TENT5B: variants seen among roughly 807,000 people sequenced by gnomAD.
The protein encoded by TENT5B is family with sequence similarity 46 member B.
A neutral mutation model predicts 21.7 loss-of-function variants in TENT5B; 12 were observed. That is an observed-to-expected ratio of 0.55 (90% CI 0.36 to 0.90). The LOEUF (loss-of-function observed/expected upper bound fraction) is 0.90, where lower values mean the gene tolerates loss of function less well. TENT5B is among the 40% of genes least tolerant of loss of function. The pLI is 0.01. For synonymous variants in TENT5B, 262 were observed against 266.6 expected (o/e 0.98, Z 0.17); for missense variants, 540 against 601.5 (o/e 0.90, Z 1.07).
chr1:27,008,432 C>A (rs2124205668), intron 1 of TENT5B, among the ~76,000 whole-genome samples: 1 of 152,192 alleles, frequency 6.6e-6, no homozygotes. Flanking sequence ...CCGGGAGGAG[C>A]AACTTTACCA....
Position 27,005,968 on chromosome 1 carries a change from A to T in TENT5B, c.1254T>A (p.Tyr418Ter). The T allele has an allele frequency of 1.3e-6, 2 of 1,574,290 alleles. No homozygotes were observed. Among genetic ancestry groups the T allele is most frequent in the Non-Finnish European group, 1.7e-6 (2 of 1,156,634 alleles). Reference protein sequence around the residue: ...TPVQPLLAHAYPTWLPCN With the variant: ...TPVQPLLAHA ...GTCAGTTACAAGGCAGCCAGGTGGG[A>T]TAGGCGTGAGCCAGGAGAGGTTGCA... The change falls in exon 2 of 2, where the codon TAT becomes TAA. Residue 418 changes from tyrosine to a stop codon, truncating the protein, a stop_gained. Transcript: ENST00000289166. LOFTEE classifies it high-confidence loss of function.
In TENT5B at chr1:27,006,391, A is replaced by G. The variant is rs777675379; in HGVS notation, c.831T>C (p.Gly277=). 1.9e-6 allele frequency: 3 copies of G among 1,612,834 alleles called. No individual in the cohort carries two copies. Among genetic ancestry groups the G allele is most frequent in the Non-Finnish European group, 2.5e-6 (3 of 1,179,616 alleles). Residue 277 remains glycine (G), a synonymous_variant, in exon 2 of 2, where the codon GGT becomes GGC. Transcript: ENST00000289166. The surrounding 1 kb of genome is among the most constrained non-coding windows in gnomAD (Gnocchi z 9.4). ...ATRSPEEIRG[G]GLLKYCHLLV... ...GGAGGTGGCAGTACTTGAGGAGGCC[A>G]CCACCTCGGATCTCCTCGGGACTGC...
intron 1 of TENT5B, among the ~76,000 whole-genome samples, chr1:27,010,754 A>T (rs956060554): frequency 6.6e-6 from 1 of 152,120 alleles, no homozygotes; most frequent in African/African-American, 2.4e-5. Flanking sequence ...GCTATCTCTG[A>T]CCCAGGTCTA....
rs1325024834 is a variant in TENT5B at position 27,012,786 on chromosome 1, GCAACGACGGCGAGACAAAGCCAGGGAA to G, written c.-143_-117del. The G allele has an allele frequency of 8.1e-7, 1 of 1,232,926 alleles. No individual in the cohort carries two copies. Among genetic ancestry groups the G allele is most frequent in the Non-Finnish European group, 1.1e-6 (1 of 949,078 alleles). The allele number at this position is 1,232,926 out of a possible 1,614,324, so 76.4% of individuals were successfully genotyped here. The stretch of plus-strand genomic sequence containing the variant: ...GGGGCACGAAGGCAGGGACGGGGCG[GCAACGACGGCGAGACAAAGCCAGGGAA>G]CACCTCAGACGGCGACGACTAACCG... On this transcript the variant is annotated 5_prime_UTR_variant, in exon 1 of 2. Coordinates refer to ENST00000289166, the MANE Select transcript of TENT5B (RefSeq NM_052943.4).
At chr1:27,011,944 C>G (rs2082625297) in intron 1 of TENT5B, among the ~76,000 whole-genome samples, 1 of 152,130 alleles carries the variant, frequency 6.6e-6, no homozygotes, top group Non-Finnish European at 1.5e-5. Context: ...CAGCAAAAGG[C>G]TGTAGGAGCA....
Position 27,006,663 on chromosome 1 carries a change from AG to A in TENT5B, c.558del (p.Trp187GlyfsTer22). 1.2e-6 allele frequency: 2 copies of A among 1,614,116 alleles called. No homozygotes were observed. The highest frequency in any genetic ancestry group is 1.7e-6 in the Non-Finnish European group (2 of 1,180,028). ...TTGTTGGACAGTGAGATGAGGCTCCAGCGGTCCGAGTCTGTGCACACTTTCA... is the reference window on the plus strand; with the variant it reads ...TTGTTGGACAGTGAGATGAGGCTCCACGGTCCGAGTCTGTGCACACTTTCA... ...KLVKVCTDSD[R>X]WSLISLSNKS... On this transcript the variant is annotated frameshift_variant, in exon 2 of 2. Transcript: ENST00000289166. LOFTEE classifies it high-confidence loss of function. The surrounding 1 kb of genome is among the most constrained non-coding windows in gnomAD (Gnocchi z 9.4).
In TENT5B at chr1:27,006,882, C is replaced by G. The variant is rs201078551; in HGVS notation, c.340G>C (p.Val114Leu). The G allele has an allele frequency of 6.8e-6, 11 of 1,613,812 alleles. No homozygotes were observed. Among genetic ancestry groups the G allele is most frequent in the Non-Finnish European group, 9.3e-6 (11 of 1,179,956 alleles). The change falls in exon 2 of 2, where the codon GTG becomes CTG. Residue 114 changes from valine (V) to leucine (L), a missense_variant. Coordinates refer to ENST00000289166, the MANE Select transcript of TENT5B (RefSeq NM_052943.4). The surrounding 1 kb of genome is among the most constrained non-coding windows in gnomAD (Gnocchi z 9.4). ...VRLHGSAASH[V>L]LHPESGLGYK... ...CCCAGGCCACTCTCAGGGTGCAGCA[C>G]GTGGCTGGCAGCTGAACCATGCAGC...
Position 27,012,510 on chromosome 1 carries a change from C to A in TENT5B, c.161G>T (p.Trp54Leu), listed in dbSNP as rs2082628929. The A allele has an allele frequency of 6.2e-7, 1 of 1,607,606 alleles. No homozygotes were observed. The highest frequency in any genetic ancestry group is 1.1e-5 in the South Asian group (1 of 90,696). Residue 54 changes from tryptophan (W) to leucine (L), a missense_variant, in exon 1 of 2, where the codon TGG becomes TTG. By Grantham distance (61) the Trp-to-Leu change is moderately conservative (BLOSUM62 -2). Transcript: ENST00000289166. ...FPGRHLSGLS[W>L]PQVKRLDALL... ...AGCGTCCAGTCGCTTCACCTGTGGC[C>A]AGCTCAGCCCACTCAGGTGCCGTCC...
At chr1:27,007,274 G>A (rs749382836) in intron 1 of TENT5B, among the ~76,000 whole-genome samples, 4 of 152,094 alleles carry the variant, frequency 2.6e-5, no homozygotes, top group African/African-American at 4.8e-5. Flanking sequence ...ACCCTGTGAG[G>A]TGGATACTAT....
rs1471985108 is a variant in TENT5B at position 27,005,722 on chromosome 1, A to T, written c.*222T>A. On this transcript the variant is annotated 3_prime_UTR_variant, in exon 2 of 2. Transcript: ENST00000289166. ...ACCGGCATGCTGGTCCAAAAGTGTG[A>T]TGCAATAACCAAAGGGTCCTCCTGC... is the stretch of plus-strand genomic sequence containing the variant. 9.5e-6 allele frequency: 5 copies of T among 525,970 alleles called. No individual in the cohort carries two copies. Among genetic ancestry groups the T allele is most frequent in the Non-Finnish European group, 1.6e-5 (5 of 314,206 alleles). The allele number at this position is 525,970 out of a possible 1,614,324, so 32.6% of individuals were successfully genotyped here.
At chr1:27,009,211 C>A (rs189477086) in intron 1 of TENT5B, among the ~76,000 whole-genome samples, 5 of 151,820 alleles carry the variant, frequency 3.3e-5, no homozygotes, top group African/African-American at 9.7e-5. Flanking sequence ...TCAAGCTATT[C>A]CCCTGCCTCA....
In TENT5B at chr1:27,012,802, A is replaced by T. The variant is rs2082631180; in HGVS notation, c.-132T>A. 8.5e-7 allele frequency: 1 copy of T among 1,182,772 alleles called. No homozygotes were observed. The highest frequency in any genetic ancestry group is 1.1e-6 in the Non-Finnish European group (1 of 900,042). 73.3% of individuals were successfully genotyped at this position (1,182,772 alleles called of 1,614,324 possible). A position where few individuals can be genotyped will look rare whatever the true frequency, so the allele number is the denominator to read the frequency against. The stretch of plus-strand genomic sequence containing the variant: ...GACGGGGCGGCAACGACGGCGAGAC[A>T]AAGCCAGGGAACACCTCAGACGGCG... On this transcript the variant is annotated 5_prime_UTR_variant, in exon 1 of 2. Transcript: ENST00000289166.
Position 27,006,521 on chromosome 1 carries a change from G to C in TENT5B, c.701C>G (p.Ser234Cys). The change falls in exon 2 of 2, where the codon TCC becomes TGC. Residue 234 changes from serine (S) to cysteine (C), a missense_variant. Coordinates refer to ENST00000289166, the MANE Select transcript of TENT5B (RefSeq NM_052943.4). The surrounding 1 kb of genome is among the most constrained non-coding windows in gnomAD (Gnocchi z 9.4). ...GTGGAAGGCCTCAGACATGGGAGTG[G>C]ACGAGCACTGGCCAAAGAGCAACAG... ...DSLLLFGQCS[S>C]TPMSEAFHPT... 1 of 1,614,138 alleles carries C rather than the reference G, an allele frequency of 6.2e-7. No individual in the cohort carries two copies. Among genetic ancestry groups the C allele is most frequent in the Non-Finnish European group, 8.5e-7 (1 of 1,180,024 alleles).
intron 1 of TENT5B, among the ~76,000 whole-genome samples, chr1:27,008,858 TC>T (rs200887747): frequency 0.045 from 6,786 of 151,722 alleles, 204 homozygotes; most frequent in Non-Finnish European, 0.063. Flanking sequence ...TGCCGCAGCT[TC>T]CCGAAGTACT....
At position 27,006,044 on chromosome 1, in the gene TENT5B, G is replaced by A; in HGVS notation, c.1178C>T (p.Pro393Leu). The change falls in exon 2 of 2, where the codon CCA becomes CTA. Residue 393 changes from proline (P) to leucine (L), a missense_variant. Coordinates refer to ENST00000289166, the MANE Select transcript of TENT5B (RefSeq NM_052943.4). The surrounding 1 kb of genome is among the most constrained non-coding windows in gnomAD (Gnocchi z 9.4). Reference protein sequence around the residue: ...AATAALAWRPPGTDGVVPATV... With the variant: ...AATAALAWRPLGTDGVVPATV... ...GGCTGGCACAACCCCGTCAGTGCCT[G>A]GAGGGCGCCAGGCCAGGGCGGCAGT... 6.2e-7 allele frequency: 1 copy of A among 1,611,560 alleles called. No homozygotes were observed. The highest frequency in any genetic ancestry group is 8.5e-7 in the Non-Finnish European group (1 of 1,178,788).
chr1:27,008,249 T>C (rs2082609668), intron 1 of TENT5B, among the ~76,000 whole-genome samples: 1 of 152,168 alleles, frequency 6.6e-6, no homozygotes, highest in African/African-American at 2.4e-5. Context: ...CCAGGCAGCA[T>C]TCCTGTCCTG....
In TENT5B at chr1:27,012,678, GC is replaced by G. The variant is rs1277991253; in HGVS notation, c.-9del. ...GCTCTCCGACGGCATCATCCGCCCG[GC>G]CCCCGGGCCCCGACGGCAGAAACCG... On this transcript the variant is annotated 5_prime_UTR_variant, in exon 1 of 2. Transcript: ENST00000289166. 7 of 1,454,630 alleles carry G rather than the reference GC, an allele frequency of 4.8e-6. No homozygotes were observed. In the Admixed American group the frequency reaches 9.6e-5, roughly 20 times the overall value. 90.1% of individuals were successfully genotyped at this position (1,454,630 alleles called of 1,614,324 possible).
chr1:27,012,830 G>C lies in TENT5B; in HGVS notation c.-160C>G, dbSNP rs1010780389. 1.1e-5 allele frequency: 11 copies of C among 963,588 alleles called. No homozygotes were observed. In the African/African-American group the frequency reaches 1.7e-4, roughly 15 times the overall value. The allele number at this position is 963,588 out of a possible 1,614,324, so 59.7% of individuals were successfully genotyped here. On this transcript the variant is annotated 5_prime_UTR_variant, in exon 1 of 2. Transcript: ENST00000289166. ...GCCAGGGAACACCTCAGACGGCGACGACTAACCGACCCTAGCGCCTGCAGC... is the reference window on the plus strand; with the variant it reads ...GCCAGGGAACACCTCAGACGGCGACCACTAACCGACCCTAGCGCCTGCAGC...
At position 27,012,687 on chromosome 1, in the gene TENT5B, C is replaced by A; in HGVS notation, c.-17G>T. 4 of 1,452,222 alleles carry A rather than the reference C, an allele frequency of 2.8e-6. No individual in the cohort carries two copies. The highest frequency in any genetic ancestry group is 1.5e-5 in the African/African-American group (1 of 66,250). 90.0% of individuals were successfully genotyped at this position (1,452,222 alleles called of 1,614,324 possible). A position where few individuals can be genotyped will look rare whatever the true frequency, so the allele number is the denominator to read the frequency against. On this transcript the variant is annotated 5_prime_UTR_variant, in exon 1 of 2. Transcript: ENST00000289166. ...CGGCATCATCCGCCCGGCCCCCGGG[C>A]CCCGACGGCAGAAACCGTGGGGGTG...
Sources: allele counts gnomAD v4.1 joint callset (sites outside exome capture counted in the v4.1 genomes callset), GRCh38; gene constraint gnomAD v4.1.1; non-coding constraint Gnocchi (gnomAD v3.1); transcripts MANE v1.5; gene names NCBI Gene and HGNC (gene_info 2026-07-23, HGNC 2026-07-21).